Variants in IMPA2 observed in about 807,000 individuals in gnomAD.
IMPA2 encodes the protein inositol monophosphatase 2.
IMPA2 carries 32 observed loss-of-function variants against 35.1 expected under a neutral mutation model. The observed-to-expected ratio is 0.91, with a 90% CI of 0.69 to 1.23. The LOEUF (loss-of-function observed/expected upper bound fraction) is 1.23, where lower values mean the gene tolerates loss of function less well. Among genes scored for constraint, IMPA2 ranks in the 50% most tolerant of loss-of-function variants. IMPA2 has a pLI of 0.00. For missense variants in IMPA2, 334 were observed against 387.6 expected, an observed-to-expected ratio of 0.86 and a Z score of 1.16; for synonymous variants, 135 against 160.6, an observed-to-expected ratio of 0.84 and a Z score of 1.20.
chr18:12,027,748 A>AT lies in IMPA2; in HGVS notation c.491-281dup, dbSNP rs74911212. 9.7e-3 allele frequency among the ~76,000 whole-genome samples: 1,318 copies of AT among 136,324 alleles called. 6 individuals carry two copies. Among genetic ancestry groups the AT allele is most frequent in the Non-Finnish European group, 0.011 (711 of 62,204 alleles). The allele number at this position is 136,324 out of a possible 152,430, so 89.4% of individuals were successfully genotyped here. A position where few individuals can be genotyped will look rare whatever the true frequency, so the allele number is the denominator to read the frequency against. ...GTGCCACCATGCCCAGCTACTTTTA[A>AT]TTTTTTTTTTTTTTGCAGAGATGGA... On this transcript the variant is annotated intron_variant, in intron 5 of 7. Transcript: ENST00000269159.
intron 2 of IMPA2, among the ~76,000 whole-genome samples, chr18:12,007,628 CTTCTTTCTTTCTTTCTTTCTTTCTTTCT>C (rs71172044): frequency 1.9e-4 from 22 of 116,790 alleles, no homozygotes; most frequent in African/African-American, 6.2e-4. Context: ...CTTTTTCTTT[CTTCTTTCTTTCTTTCTTTCTTTCTTTCT>C]TTCTTTCTTT....
intron 1 of IMPA2, among the ~76,000 whole-genome samples, chr18:11,989,441 C>T (rs1417221599): frequency 6.6e-6 from 1 of 152,192 alleles, no homozygotes; most frequent in Non-Finnish European, 1.5e-5. Flanking sequence ...AACTCAACAA[C>T]ATTTCAAACA....
intron 2 of IMPA2, among the ~76,000 whole-genome samples, chr18:12,007,195 A>T (rs937908142): frequency 1.7e-5 from 2 of 119,314 alleles, no homozygotes; most frequent in Non-Finnish European, 3.7e-5. Flanking sequence ...CGGTGGGAGG[A>T]CAGCACTGCC....
At chr18:12,028,347 T>G in intron 6 of IMPA2, 196 bp downstream of exon 6, 1 of 569,180 alleles carries the variant, frequency 1.8e-6, no homozygotes, top group Admixed American at 3.0e-5. Context: ...CCTCTGGAGA[T>G]GCGTGGGCAC....
chr18:12,027,184 G>A (rs912588211), intron 5 of IMPA2, among the ~76,000 whole-genome samples: 1 of 152,334 alleles, frequency 6.6e-6, no homozygotes, highest in Middle Eastern at 3.4e-3. Context: ...GACGGGACAT[G>A]ACCGAAGTTT....
chr18:11,992,773 C>T (rs180753883), intron 1 of IMPA2, among the ~76,000 whole-genome samples: 15 of 152,126 alleles, frequency 9.9e-5, no homozygotes, highest in Admixed American at 2.6e-4. Context: ...GGAAAATAGC[C>T]GTGGTAAAGG....
intron 3 of IMPA2, among the ~76,000 whole-genome samples, chr18:12,011,942 C>G (rs1230419362): frequency 1.3e-5 from 2 of 152,264 alleles, no homozygotes; most frequent in Non-Finnish European, 2.9e-5. Flanking sequence ...TCTTATGTGA[C>G]TTTCACAGTG....
intron 2 of IMPA2, among the ~76,000 whole-genome samples, chr18:12,007,987 A>G (rs569464231): frequency 1.3e-5 from 2 of 150,590 alleles, no homozygotes; most frequent in African/African-American, 4.9e-5. Context: ...TCTTTTTGAG[A>G]TGGAGTCTCA....
chr18:12,008,116 C>T (rs1415578070), intron 2 of IMPA2, among the ~76,000 whole-genome samples: 1 of 152,204 alleles, frequency 6.6e-6, no homozygotes, highest in African/African-American at 2.4e-5. Flanking sequence ...CTCTCTCAGT[C>T]TCTCAAGTAG....
At chr18:12,007,049 G>A (rs1336590917) in intron 2 of IMPA2, among the ~76,000 whole-genome samples, 3 of 152,244 alleles carry the variant, frequency 2.0e-5, no homozygotes, top group African/African-American at 7.2e-5. Context: ...AGAATTGCTT[G>A]AACCCGGGAG....
At chr18:12,000,997 T>C (rs1394467029) in intron 2 of IMPA2, among the ~76,000 whole-genome samples, 2 of 151,090 alleles carry the variant, frequency 1.3e-5, no homozygotes, top group African/African-American at 2.4e-5. Flanking sequence ...TTTGGGAGGC[T>C]GAGGCGGGCG....
At position 12,016,966 on chromosome 18, in the gene IMPA2, G is replaced by A. The variant is rs148954895; in HGVS notation, c.490+2593G>A. Among the ~76,000 whole-genome samples the A allele has an allele frequency of 4.4e-3, 666 of 152,276 alleles. 8 individuals are homozygous for A. Among genetic ancestry groups the A allele is most frequent in the African/African-American group, 0.015 (633 of 41,544 alleles). ...AAGTCATGCCCCGTTGTTAAAATTAGGACTTGTTTCTGGAGGACACAGTCA... is the reference window on the plus strand; with the variant it reads ...AAGTCATGCCCCGTTGTTAAAATTAAGACTTGTTTCTGGAGGACACAGTCA... On this transcript the variant is annotated intron_variant, in intron 5 of 7. Transcript: ENST00000269159.
chr18:11,985,728 G>A (rs926639540), intron 1 of IMPA2, among the ~76,000 whole-genome samples: 1 of 152,200 alleles, frequency 6.6e-6, no homozygotes, highest in African/African-American at 2.4e-5. Flanking sequence ...GTGGGTCGGC[G>A]TGATGGACAG....
intron 5 of IMPA2, among the ~76,000 whole-genome samples, chr18:12,025,234 T>C (rs934530068): frequency 6.6e-6 from 1 of 152,258 alleles, no homozygotes; most frequent in Non-Finnish European, 1.5e-5. Context: ...CTGGATAATA[T>C]TCCACTGTCT....
chr18:12,023,381 G>A (rs1362741102), intron 5 of IMPA2, among the ~76,000 whole-genome samples: 4 of 152,180 alleles, frequency 2.6e-5, no homozygotes, highest in African/African-American at 4.8e-5. Flanking sequence ...GGAAGTGCTC[G>A]CACAGGCCTG....
chr18:12,009,247 G>GC (rs199652892), intron 2 of IMPA2, among the ~76,000 whole-genome samples: 2,799 of 152,232 alleles, frequency 0.018, 50 homozygotes, highest in African/African-American at 0.043. Flanking sequence ...CTGCACTCCA[G>GC]CTGGGCAACA....
chr18:12,027,034 A>G (rs1297693337), intron 5 of IMPA2, among the ~76,000 whole-genome samples: 1 of 152,118 alleles, frequency 6.6e-6, no homozygotes, highest in Non-Finnish European at 1.5e-5. Flanking sequence ...GTGAGCGGAG[A>G]ATTTGAAAGT....
At chr18:12,012,430 T>G in intron 4 of IMPA2, 1 of 575,464 alleles carries the variant, frequency 1.7e-6, no homozygotes, top group Non-Finnish European at 3.1e-6. Context: ...CTGGCCCTTG[T>G]CCCCCGTGGA....
At chr18:12,014,723 G>A (rs909090336) in intron 5 of IMPA2, among the ~76,000 whole-genome samples, 3 of 152,186 alleles carry the variant, frequency 2.0e-5, no homozygotes, top group Admixed American at 6.5e-5. Flanking sequence ...ACACCTCGGT[G>A]GTCCCGATTT....
Sources: gnomAD v4.1 joint callset for allele counts (sites outside exome capture counted in the v4.1 genomes callset) on GRCh38, gnomAD v4.1.1 for gene constraint, MANE v1.5 for transcripts, NCBI Gene and HGNC (gene_info 2026-07-23, HGNC 2026-07-21) for gene names.